Variants in RORA observed in about 807,000 individuals in gnomAD.
RORA encodes nuclear receptor ROR-alpha.
Under a neutral mutation model 69.5 loss-of-function variants are expected in RORA, and 7 were observed. That is an observed-to-expected ratio of 0.10 (90% confidence interval 0.06 to 0.19). The LOEUF is 0.19. Among genes scored for constraint, RORA ranks in the 10% least tolerant of loss-of-function variants. RORA has a pLI of 1.00. For synonymous variants in RORA, 261 were observed against 240.8 expected (o/e 1.08, Z -0.78); for missense variants, 457 against 663.0 (o/e 0.69, Z 3.41).
At chr15:60,598,026 A>G (rs1342874787) in intron 2 of RORA, among the ~76,000 whole-genome samples, 1 of 152,082 alleles carries the variant, frequency 6.6e-6, no homozygotes, top group Non-Finnish European at 1.5e-5. Context: ...CCCACTCACT[A>G]GCTGTATGAG....
chr15:61,004,764 C>G (rs1383348687), intron 1 of RORA, among the ~76,000 whole-genome samples: 1 of 152,082 alleles, frequency 6.6e-6, no homozygotes, highest in African/African-American at 2.4e-5. Context: ...CAAACGTTGC[C>G]ACGGTTAGAT....
At chr15:61,135,422 T>A (rs1364701037) in intron 1 of RORA, among the ~76,000 whole-genome samples, 1 of 152,032 alleles carries the variant, frequency 6.6e-6, no homozygotes, top group Non-Finnish European at 1.5e-5. Context: ...GGAAAACTAA[T>A]AGTATCTATT....
chr15:61,148,240 AG>A (rs1393156295), intron 1 of RORA, among the ~76,000 whole-genome samples: 15 of 152,292 alleles, frequency 9.8e-5, no homozygotes, highest in Non-Finnish European at 1.9e-4. Context: ...GAAGGGAAAC[AG>A]GAAGTGGGCA....
At chr15:60,936,117 T>C (rs926035853) in intron 1 of RORA, among the ~76,000 whole-genome samples, 2 of 152,182 alleles carry the variant, frequency 1.3e-5, no homozygotes, top group African/African-American at 2.4e-5. Context: ...TCAGAGTCCC[T>C]GTGCAAAGTT....
At chr15:60,784,834 A>G in intron 1 of RORA, among the ~76,000 whole-genome samples, 1 of 152,188 alleles carries the variant, frequency 6.6e-6, no homozygotes, top group South Asian at 2.1e-4. Flanking sequence ...CCAGTATCCT[A>G]GCTGTGTCCT....
Position 60,497,407 on chromosome 15 carries a change from T to G in RORA, c.*48A>C. 6.3e-7 allele frequency: 1 copy of G among 1,576,048 alleles called. No individual in the cohort carries two copies. The highest frequency in any genetic ancestry group is 8.7e-7 in the Non-Finnish European group (1 of 1,148,554). On this transcript the variant is annotated 3_prime_UTR_variant, in exon 11 of 11. Transcript: ENST00000335670. The stretch of plus-strand genomic sequence containing the variant: ...GTCTCGGTTAATTTTTTTGTTTGTT[T>G]TTCATGTTTGTACTTCAGACATTCT...
chr15:61,041,844 C>G (rs993090503), intron 1 of RORA, among the ~76,000 whole-genome samples: 5 of 152,200 alleles, frequency 3.3e-5, no homozygotes, highest in African/African-American at 9.6e-5. Context: ...AAGGACTTAA[C>G]GTCAGTCAGT....
intron 1 of RORA, among the ~76,000 whole-genome samples, chr15:61,101,745 T>C (rs1305115833): frequency 6.6e-6 from 1 of 151,776 alleles, no homozygotes; most frequent in Non-Finnish European, 1.5e-5. Context: ...CTCCCTGCTG[T>C]GTGTGGTGGA....
intron 1 of RORA, among the ~76,000 whole-genome samples, chr15:61,108,337 T>C (rs2078971068): frequency 2.0e-5 from 3 of 152,246 alleles, no homozygotes; most frequent in Non-Finnish European, 2.9e-5. Flanking sequence ...TATTAGTTCA[T>C]GTTTTCTTTT....
chr15:60,501,055 T>C lies in RORA; in HGVS notation c.1198A>G (p.Ile400Val). 4 of 1,599,914 alleles carry C rather than the reference T, an allele frequency of 2.5e-6. No homozygotes were observed. The highest frequency in any genetic ancestry group is 2.6e-6 in the Non-Finnish European group (3 of 1,168,312). ...TTTCCAAATTCAAACACAAAGCTAA[T>C]AAAGTCTTCACAACCTGCCAAAATG... ...VFKSLGCEDF[I>V]SFVFEFGKSL... is the part of the protein sequence containing the mutation. The change falls in exon 9 of 11, where the codon ATT becomes GTT. Residue 400 changes from isoleucine (I) to valine (V), a missense_variant. This residue lies in a region of RORA where 304 missense variants were observed against 447.4 expected (regional missense o/e 0.68). Coordinates refer to ENST00000335670, the MANE Select transcript of RORA (RefSeq NM_134261.3).
chr15:60,733,385 A>T (rs1375873287), intron 1 of RORA, among the ~76,000 whole-genome samples: 1 of 152,232 alleles, frequency 6.6e-6, no homozygotes, highest in Non-Finnish European at 1.5e-5. Context: ...GTAAATCCCC[A>T]GGGCATGCAG....
At chr15:60,928,895 C>A (rs1490377426) in intron 1 of RORA, among the ~76,000 whole-genome samples, 1 of 152,206 alleles carries the variant, frequency 6.6e-6, no homozygotes, top group East Asian at 1.9e-4. Flanking sequence ...AGCTAATCAT[C>A]CCCAGAGAGG....
chr15:61,051,343 G>C (rs913036444), intron 1 of RORA, among the ~76,000 whole-genome samples: 2 of 152,128 alleles, frequency 1.3e-5, no homozygotes, highest in African/African-American at 2.4e-5. Context: ...CTCCCCCTAG[G>C]GGGTGAGGCA....
chr15:61,002,769 G>C (rs1894782176), intron 1 of RORA, among the ~76,000 whole-genome samples: 1 of 152,092 alleles, frequency 6.6e-6, no homozygotes, highest in Non-Finnish European at 1.5e-5. Flanking sequence ...GATACACCCA[G>C]CCAGGGAATA....
chr15:60,907,661 C>G (rs1026656230), intron 1 of RORA, among the ~76,000 whole-genome samples: 29 of 152,180 alleles, frequency 1.9e-4, no homozygotes, highest in African/African-American at 7.0e-4. Flanking sequence ...ACAAAGCCAT[C>G]TCTTGATAAA....
At chr15:60,903,274 G>A (rs547513790) in intron 1 of RORA, among the ~76,000 whole-genome samples, 2 of 152,286 alleles carry the variant, frequency 1.3e-5, no homozygotes, top group South Asian at 2.1e-4. Context: ...TGCAAAACTG[G>A]GCTCTAGACT....
At chr15:60,576,530 C>T (rs2068030730) in intron 2 of RORA, among the ~76,000 whole-genome samples, 1 of 152,224 alleles carries the variant, frequency 6.6e-6, no homozygotes, top group Admixed American at 6.5e-5. Flanking sequence ...AGTATTTGGG[C>T]ATTGCTTTCT....
intron 1 of RORA, among the ~76,000 whole-genome samples, chr15:61,172,286 C>G (rs1231263030): frequency 6.6e-6 from 1 of 152,112 alleles, no homozygotes; most frequent in Non-Finnish European, 1.5e-5. Flanking sequence ...CTATAGCCAC[C>G]CATATAAATA....
chr15:60,753,164 C>T (rs145191189), intron 1 of RORA, among the ~76,000 whole-genome samples: 330 of 152,272 alleles, frequency 2.2e-3, no homozygotes, highest in African/African-American at 7.3e-3. Context: ...GGGAGCAGCA[C>T]GTGGATGGCG....
Sources: allele counts gnomAD v4.1 joint callset (sites outside exome capture counted in the v4.1 genomes callset), GRCh38; gene constraint gnomAD v4.1.1; regional missense constraint gnomAD v4.1.1; transcripts MANE v1.5; gene names NCBI Gene and HGNC (gene_info 2026-07-23, HGNC 2026-07-21).